PPP1R36: variants seen among roughly 807,000 people sequenced by gnomAD.
PPP1R36 encodes the protein protein phosphatase 1 regulatory subunit 36.
PPP1R36 carries 47 observed loss-of-function variants against 53.4 expected under a neutral mutation model. That is an observed-to-expected ratio of 0.88 (90% CI 0.70 to 1.12). The LOEUF (loss-of-function observed/expected upper bound fraction) is 1.12, where lower values mean the gene tolerates loss of function less well. Among genes scored for constraint, PPP1R36 ranks in the 50% most tolerant of loss-of-function variants. The pLI is 0.00. For missense variants in PPP1R36, 456 were observed against 513.9 expected, an observed-to-expected ratio of 0.89 and a Z score of 1.09; for synonymous variants, 153 against 170.5, an observed-to-expected ratio of 0.90 and a Z score of 0.80.
chr14:64,556,374 A>T (rs2080151721), intron 3 of PPP1R36, among the ~76,000 whole-genome samples: 1 of 151,686 alleles, frequency 6.6e-6, no homozygotes, highest in Non-Finnish European at 1.5e-5. Context: ...AAGTGCTGGG[A>T]TTATAGGCAT....
chr14:64,564,919 T>C, intron 4 of PPP1R36, 82 bp downstream of exon 4: 2 of 871,092 alleles, frequency 2.3e-6, no homozygotes, highest in Admixed American at 4.8e-5. Context: ...ACTACGAAAA[T>C]ACCATTCCCA....
rs994890101 is a variant in PPP1R36, at chr14:64,589,053, C to G, written c.1083-99C>G. ...GTATATCTTAGCTTTAGTGTACATA[C>G]ACACACACATACATACACACAACCA... On this transcript the variant is annotated intron_variant, in intron 11 of 11. Transcript: ENST00000298705. The G allele has an allele frequency of 6.2e-6, 5 of 800,528 alleles. No homozygotes were observed. In the Admixed American group the frequency reaches 1.3e-4, roughly 21 times the overall value. The allele number at this position is 800,528 out of a possible 1,614,324, so 49.6% of individuals were successfully genotyped here.
chr14:64,570,211 CG>C (rs985656060), intron 7 of PPP1R36, among the ~76,000 whole-genome samples: 3 of 151,878 alleles, frequency 2.0e-5, no homozygotes, highest in Non-Finnish European at 4.4e-5. Context: ...TGGCCGGGCA[CG>C]GTGGCTCATG....
At chr14:64,569,913 ATT>A (rs1388862061) in intron 7 of PPP1R36, among the ~76,000 whole-genome samples, 2 of 151,512 alleles carry the variant, frequency 1.3e-5, no homozygotes, top group Non-Finnish European at 2.9e-5. Flanking sequence ...TAATTTTTAT[ATT>A]TTTAGTAGAG....
chr14:64,550,223 G>GAAAA, intron 1 of PPP1R36, 157 bp downstream of exon 1: 7 of 1,191,430 alleles, frequency 5.9e-6, no homozygotes, highest in Non-Finnish European at 6.5e-6. Flanking sequence ...TATTTGCCTA[G>GAAAA]AAAAAAAAAA....
At chr14:64,574,034 CAT>C (rs2080323949) in intron 7 of PPP1R36, among the ~76,000 whole-genome samples, 1 of 140,632 alleles carries the variant, frequency 7.1e-6, no homozygotes, top group Admixed American at 7.3e-5. Flanking sequence ...GCTTAAATAA[CAT>C]AAACTCATTG....
chr14:64,550,339 A>G, intron 1 of PPP1R36: 2 of 1,213,504 alleles, frequency 1.6e-6, no homozygotes, highest in Non-Finnish European at 2.1e-6. Context: ...GGTTGGTTGC[A>G]AAATAGGGAG....
intron 1 of PPP1R36, 136 bp from the exon 2 acceptor site, chr14:64,550,785 A>G (rs2080088162): frequency 6.3e-6 from 4 of 638,364 alleles, no homozygotes; most frequent in Non-Finnish European, 8.0e-6. Context: ...ACTAGTAGGA[A>G]CCATTGTTTT....
At chr14:64,584,391 T>C (rs540015819) in intron 8 of PPP1R36, among the ~76,000 whole-genome samples, 1 of 152,298 alleles carries the variant, frequency 6.6e-6, no homozygotes, top group Non-Finnish European at 1.5e-5. Context: ...TTTGGCTAGT[T>C]TTCTTGCTTC....
chr14:64,566,036 G>A (rs550021072), intron 6 of PPP1R36, among the ~76,000 whole-genome samples: 7 of 152,318 alleles, frequency 4.6e-5, no homozygotes, highest in African/African-American at 1.7e-4. Context: ...TTGGGAGGCC[G>A]AGGCAGGTGG....
Position 64,587,795 on chromosome 14 carries a change from G to A in PPP1R36, c.891-309G>A, listed in dbSNP as rs371763465. ...TTTTTTTCAGACAGGATCTCATTCC[G>A]TCACCTAGGCTGGAAGGCAGTGGCA... is the stretch of plus-strand genomic sequence containing the variant. On this transcript the variant is annotated intron_variant, in intron 10 of 11. Transcript: ENST00000298705. Among the ~76,000 whole-genome samples the A allele has an allele frequency of 2.0e-5, 3 of 151,022 alleles. No homozygotes were observed. In the East Asian group the frequency reaches 5.9e-4, roughly 29 times the overall value.
chr14:64,556,622 T>TA (rs71123860), intron 3 of PPP1R36, among the ~76,000 whole-genome samples: 1 of 134,342 alleles, frequency 7.4e-6, no homozygotes, highest in South Asian at 2.4e-4. Context: ...TTTTTTTTTT[T>TA]AATTAGCTGG....
At chr14:64,577,119 G>A (rs2080347728) in intron 8 of PPP1R36, among the ~76,000 whole-genome samples, 1 of 152,304 alleles carries the variant, frequency 6.6e-6, no homozygotes, top group Middle Eastern at 3.4e-3. Context: ...CTTCTAGGTT[G>A]CAGACTGCCA....
At chr14:64,589,120 C>T (rs373245507) in intron 11 of PPP1R36, 32 bp from the exon 12 acceptor site, 1 of 1,576,978 alleles carries the variant, frequency 6.3e-7, no homozygotes, top group Non-Finnish European at 8.7e-7. Flanking sequence ...TTGGCCTCAT[C>T]ACTTCAGCTA....
At position 64,588,183 on chromosome 14, in the gene PPP1R36, C is replaced by G; in HGVS notation, c.970C>G (p.Leu324Val). The G allele has an allele frequency of 1.2e-6, 2 of 1,614,028 alleles. No individual in the cohort carries two copies. Among genetic ancestry groups the G allele is most frequent in the Non-Finnish European group, 1.7e-6 (2 of 1,179,916 alleles). Residue 324 changes from leucine (L) to valine (V), a missense_variant, in exon 11 of 12, where the codon CTC becomes GTC. By Grantham distance (32) the Leu-to-Val change is conservative (BLOSUM62 1). Coordinates refer to ENST00000298705, the MANE Select transcript of PPP1R36 (RefSeq NM_172365.3). ...AGTCATGTCTACTCTGCTGCCATCTCTCAGAGAAAAAGCTCAAAACGTCTT... is the reference window on the plus strand; with the variant it reads ...AGTCATGTCTACTCTGCTGCCATCTGTCAGAGAAAAAGCTCAAAACGTCTT... ...SPVMSTLLPS[L>V]REKAQNVFEK...
intron 4 of PPP1R36, 83 bp downstream of exon 4, chr14:64,564,920 A>G: frequency 1.2e-6 from 1 of 866,640 alleles, no homozygotes; most frequent in Admixed American, 2.4e-5. Context: ...CTACGAAAAT[A>G]CCATTCCCAT....
At chr14:64,587,459 T>C in intron 10 of PPP1R36, 87 bp downstream of exon 10, 1 of 603,530 alleles carries the variant, frequency 1.7e-6, no homozygotes, top group East Asian at 3.5e-5. Flanking sequence ...TTTTTTTTTT[T>C]TTTTTTTTTT....
chr14:64,552,123 T>C (rs1237276296), intron 2 of PPP1R36, among the ~76,000 whole-genome samples: 1 of 152,176 alleles, frequency 6.6e-6, no homozygotes, highest in Non-Finnish European at 1.5e-5. Flanking sequence ...GTTGTTTAGA[T>C]TGGCTCCTAG....
chr14:64,557,567 T>C (rs910289880), intron 3 of PPP1R36, among the ~76,000 whole-genome samples: 6 of 152,216 alleles, frequency 3.9e-5, no homozygotes, highest in African/African-American at 1.4e-4. Flanking sequence ...ATTTTTTAAG[T>C]TTGTTTCAAT....
Sources: allele counts gnomAD v4.1 joint callset (sites outside exome capture counted in the v4.1 genomes callset), GRCh38; gene constraint gnomAD v4.1.1; transcripts MANE v1.5; gene names NCBI Gene and HGNC (gene_info 2026-07-23, HGNC 2026-07-21).